BMAL2: variants seen among roughly 807,000 people sequenced by gnomAD.
The protein encoded by BMAL2 is basic helix-loop-helix ARNT like 2, also known as basic helix-loop-helix ARNT-like protein 2.
chr12:27,424,307 C>T, the BMAL2 span: 1 of 152,146 alleles, frequency 6.6e-6, no homozygotes, highest in Admixed American at 6.5e-5. Context: ...GATCAAATAA[C>T]AAGTCTCTAT....
At chr12:27,387,238 GCTT>G in the BMAL2 span, 1 of 1,610,300 alleles carries the variant, frequency 6.2e-7, no homozygotes, top group Non-Finnish European at 8.5e-7. Context: ...ACTGCAGAAG[GCTT>G]CTTATTTGTG....
chr12:27,392,137 T>C, the BMAL2 span, among the ~76,000 whole-genome samples: 6 of 152,320 alleles, frequency 3.9e-5, no homozygotes, highest in Admixed American at 3.9e-4. Flanking sequence ...GGTTTAGATT[T>C]GAATCCTAAC....
chr12:27,386,170 CT>C, the BMAL2 span, among the ~76,000 whole-genome samples: 1 of 152,140 alleles, frequency 6.6e-6, no homozygotes, highest in Non-Finnish European at 1.5e-5. Flanking sequence ...AAAAGCCACT[CT>C]TTTATTTGAA....
At chr12:27,413,385 G>A in the BMAL2 span, among the ~76,000 whole-genome samples, 4 of 152,190 alleles carry the variant, frequency 2.6e-5, no homozygotes, top group Non-Finnish European at 1.5e-5. Context: ...AACATAAAAT[G>A]TGGAGAGAAA....
chr12:27,401,592 A>G, the BMAL2 span: 1 of 1,611,090 alleles, frequency 6.2e-7, no homozygotes, highest in Non-Finnish European at 8.5e-7. Context: ...CTCTTTTGTA[A>G]CTTTAAAAAG....
At chr12:27,380,118 G>C in the BMAL2 span, 1 of 865,884 alleles carries the variant, frequency 1.2e-6, no homozygotes, top group South Asian at 1.8e-5. Flanking sequence ...ACTGACAACT[G>C]CAGGGCCCAA....
the BMAL2 span, among the ~76,000 whole-genome samples, chr12:27,367,861 T>G: frequency 6.6e-6 from 1 of 151,780 alleles, no homozygotes; most frequent in South Asian, 2.1e-4. Flanking sequence ...CACATTTTTT[T>G]TGAGAGGGAG....
At chr12:27,386,742 G>A in the BMAL2 span, among the ~76,000 whole-genome samples, 64 of 152,204 alleles carry the variant, frequency 4.2e-4, no homozygotes, top group Non-Finnish European at 7.9e-4. Context: ...CCATCCTCCC[G>A]TCTCAGCCTC....
chr12:27,362,669 A>G, the BMAL2 span, among the ~76,000 whole-genome samples: 1 of 152,178 alleles, frequency 6.6e-6, no homozygotes, highest in East Asian at 1.9e-4. Context: ...AAATTTCTAA[A>G]AAACCCAAAT....
At chr12:27,402,736 A>C in the BMAL2 span, 1 of 1,469,286 alleles carries the variant, frequency 6.8e-7, no homozygotes, top group Non-Finnish European at 9.4e-7. Context: ...TAAGACTATT[A>C]CTATCTTTTT....
At chr12:27,345,120 C>T in the BMAL2 span, among the ~76,000 whole-genome samples, 1 of 152,164 alleles carries the variant, frequency 6.6e-6, no homozygotes, top group Non-Finnish European at 1.5e-5. Context: ...AAGTGTAGCC[C>T]ACTACTCTCC....
At chr12:27,383,745 A>T in the BMAL2 span, among the ~76,000 whole-genome samples, 1 of 152,096 alleles carries the variant, frequency 6.6e-6, no homozygotes, top group South Asian at 2.1e-4. Context: ...CTCCCTCCCA[A>T]GCTGCTGTGT....
At chr12:27,394,505 A>G in the BMAL2 span, 2 of 152,200 alleles carry the variant, frequency 1.3e-5, no homozygotes, top group Non-Finnish European at 2.9e-5. Flanking sequence ...TCCTGAAGGC[A>G]TAAGTGACAA....
the BMAL2 span, among the ~76,000 whole-genome samples, chr12:27,364,031 T>C: frequency 2.5e-3 from 383 of 152,250 alleles, 1 homozygote; most frequent in African/African-American, 8.5e-3. Context: ...GGCAACTTCA[T>C]TGTCTGGTGA....
the BMAL2 span, among the ~76,000 whole-genome samples, chr12:27,336,600 T>C: frequency 2.0e-5 from 3 of 152,234 alleles, no homozygotes; most frequent in Admixed American, 6.5e-5. Flanking sequence ...ACTGTTTACA[T>C]TGTATCACAC....
chr12:27,415,349 A>G, the BMAL2 span, among the ~76,000 whole-genome samples: 507 of 152,300 alleles, frequency 3.3e-3, 1 homozygote, highest in African/African-American at 5.3e-3. Context: ...CTCAATGTCA[A>G]CTGCCTTCTT....
the BMAL2 span, among the ~76,000 whole-genome samples, chr12:27,335,880 T>C: frequency 2.6e-5 from 4 of 151,990 alleles, no homozygotes; most frequent in Admixed American, 2.6e-4. Flanking sequence ...AAACTAACGT[T>C]TAAAATATAT....
the BMAL2 span, chr12:27,380,389 T>G: frequency 6.2e-7 from 1 of 1,614,126 alleles, no homozygotes; most frequent in Non-Finnish European, 8.5e-7. Flanking sequence ...TGTTCAACAC[T>G]TGAGATCTTT....
chr12:27,365,075 G>A, the BMAL2 span, among the ~76,000 whole-genome samples: 1 of 151,868 alleles, frequency 6.6e-6, no homozygotes, highest in East Asian at 1.9e-4. Flanking sequence ...TTCCCAATAA[G>A]AGCAAAACAA....
Sources: allele counts gnomAD v4.1 joint callset (sites outside exome capture counted in the v4.1 genomes callset), GRCh38; gene constraint gnomAD v4.1.1; transcripts MANE v1.5; gene names NCBI Gene and HGNC (gene_info 2026-07-23, HGNC 2026-07-21).